The following SPNS2 variants were observed in gnomAD, a reference collection of about 807,000 sequenced individuals.
SPNS2 encodes the protein sphingosine-1-phosphate transporter SPNS2.
In SPNS2, 37 loss-of-function variants were observed where a neutral mutation model predicts 57.6. The ratio of observed to expected loss-of-function variants is 0.64; its 90% CI spans 0.49 to 0.85. SPNS2 has a LOEUF of 0.85. Among genes scored for constraint, SPNS2 ranks in the 40% least tolerant of loss-of-function variants. The pLI is 0.00. For missense variants in SPNS2, 831 were observed against 779.1 expected, an observed-to-expected ratio of 1.07 and a Z score of -0.79; for synonymous variants, 440 against 346.9, an observed-to-expected ratio of 1.27 and a Z score of -2.98.
chr17:4,534,662 C>A (rs377175718), intron 9 of SPNS2, among the ~76,000 whole-genome samples: 4 of 152,118 alleles, frequency 2.6e-5, no homozygotes, highest in Non-Finnish European at 5.9e-5. Flanking sequence ...CCTGAGCCTC[C>A]GGGCGTATCC....
At chr17:4,520,464 T>C (rs762902924) in intron 2 of SPNS2, among the ~76,000 whole-genome samples, 1 of 152,056 alleles carries the variant, frequency 6.6e-6, no homozygotes, top group Non-Finnish European at 1.5e-5. Context: ...AGGGGGCTTT[T>C]TCAAGGATCC....
intron 5 of SPNS2, among the ~76,000 whole-genome samples, chr17:4,531,586 A>G (rs1905476682): frequency 6.6e-6 from 1 of 152,066 alleles, no homozygotes; most frequent in South Asian, 2.1e-4. Context: ...CAATCGGAGG[A>G]AACAGAGATC....
Position 4,533,107 on chromosome 17 carries a change from C to G in SPNS2, c.1066C>G (p.Pro356Ala), listed in dbSNP as rs201455640. Residue 356 changes from proline (P) to alanine (A), a missense_variant, in exon 7 of 13, where the codon CCG (proline) becomes GCG (alanine). Physicochemically the swap from Pro to Ala is conservative, Grantham distance 27. This residue lies in a region of SPNS2 where 526 missense variants were observed against 400.9 expected (regional missense o/e 1.31). Coordinates refer to ENST00000329078, the MANE Select transcript of SPNS2 (RefSeq NM_001124758.3). Reference sequence around the variant, plus strand: ...GAAGACAGCAGAGACGTGCAACAGCCCGCCCTGTGGGGCCAAGGACAGGTG... The same window carrying G: ...GAAGACAGCAGAGACGTGCAACAGCGCGCCCTGTGGGGCCAAGGACAGGTG... ...VQKTAETCNS[P>A]PCGAKDSLIF... 1 of 1,611,826 alleles carries G rather than the reference C, an allele frequency of 6.2e-7. No individual in the cohort carries two copies. The highest frequency in any genetic ancestry group is 8.5e-7 in the Non-Finnish European group (1 of 1,179,176).
intron 5 of SPNS2, among the ~76,000 whole-genome samples, chr17:4,532,101 G>GTCCA: frequency 6.6e-6 from 1 of 152,176 alleles, no homozygotes; most frequent in Non-Finnish European, 1.5e-5. Flanking sequence ...CCATCCGTCT[G>GTCCA]TCCATCCATC....
chr17:4,532,464 G>C (rs891039707), intron 5 of SPNS2, 78 bp from the exon 6 acceptor site: 2 of 1,600,432 alleles, frequency 1.2e-6, no homozygotes, highest in African/African-American at 2.7e-5. Context: ...GAAGGCATGG[G>C]CTTGCCTGAG....
rs758120537 is a variant in SPNS2, at chr17:4,530,704, A to G, written c.646A>G (p.Thr216Ala). ...GEASYSTIAP[T>A]IIGDLFTKNT... The stretch of plus-strand genomic sequence containing the variant: ...GGCCAGCTACTCCACCATCGCCCCC[A>G]CTATCATTGGCGACCTCTTCACCAA... The change falls in exon 4 of 13, where the codon ACT becomes GCT. Residue 216 changes from threonine (T) to alanine (A), a missense_variant. Around this residue, in one of 2 missense-constraint regions of SPNS2, gnomAD observed 305 missense variants for 378.3 expected, o/e 0.81. Coordinates refer to ENST00000329078, the MANE Select transcript of SPNS2 (RefSeq NM_001124758.3). 7 of 1,613,872 alleles carry G rather than the reference A, an allele frequency of 4.3e-6. No individual in the cohort carries two copies. The South Asian group carries it at 7.7e-5, about 18-fold the overall frequency.
chr17:4,533,500 A>C, intron 8 of SPNS2, 68 bp downstream of exon 8: 1 of 1,469,544 alleles, frequency 6.8e-7, no homozygotes, highest in East Asian at 2.3e-5. Flanking sequence ...CTGGAACAGG[A>C]CATTCGGTCT....
chr17:4,532,631 C>G lies in SPNS2; in HGVS notation c.882C>G (p.Asp294Glu), dbSNP rs1211905836. The G allele has an allele frequency of 6.2e-7, 1 of 1,614,130 alleles. No individual in the cohort carries two copies. The highest frequency in any genetic ancestry group is 8.5e-7 in the Non-Finnish European group (1 of 1,180,036). Residue 294 changes from aspartate (D) to glutamate (E), a missense_variant, in exon 6 of 13, where the codon GAC becomes GAG. By Grantham distance (45) the Asp-to-Glu change is conservative (BLOSUM62 2). This residue lies in a region of SPNS2 where 526 missense variants were observed against 400.9 expected (regional missense o/e 1.31). Transcript: ENST00000329078. ...TKRGHADQLG[D>E]QLKARTSWLR... ...GGGGTCATGCCGACCAGCTCGGGGA[C>G]CAGCTCAAGGCCCGGACCTCATGGC...
intron 1 of SPNS2, among the ~76,000 whole-genome samples, chr17:4,500,045 G>T (rs1408013347): frequency 6.6e-6 from 1 of 152,182 alleles, no homozygotes; most frequent in Non-Finnish European, 1.5e-5. Context: ...GACCCAGGCT[G>T]CGGTTTGCAG....
In SPNS2 at chr17:4,511,245, G is replaced by A. The variant is rs980425492; in HGVS notation, c.371-2002G>A. Among the ~76,000 whole-genome samples the A allele has an allele frequency of 5.3e-5, 8 of 152,148 alleles. No individual in the cohort carries two copies. The highest frequency in any genetic ancestry group is 3.9e-4 in the Admixed American group (6 of 15,274). Reference sequence around the variant, plus strand: ...ACTAACTTATTGAGGGTGGTGGGAGGGGAGCAAGCAGGGGAGATATTCCAG... The same window carrying A: ...ACTAACTTATTGAGGGTGGTGGGAGAGGAGCAAGCAGGGGAGATATTCCAG... On this transcript the variant is annotated intron_variant, in intron 1 of 12. Coordinates refer to ENST00000329078, the MANE Select transcript of SPNS2 (RefSeq NM_001124758.3). The surrounding 1 kb of genome is among the most constrained non-coding windows in gnomAD (Gnocchi z 4.6).
In SPNS2 at chr17:4,533,390, C is replaced by T. The variant is rs766677495; in HGVS notation, c.1236C>T (p.Cys412=). The change falls in exon 8 of 13, where the codon TGC becomes TGT. Residue 412 remains cysteine (C), a synonymous_variant. Transcript: ENST00000329078. ...VGMLGSAIFI[C]LIFVAAKSSI... is the part of the protein sequence containing the mutation. ...TGCTGGGCTCTGCCATCTTCATCTGCCTGATCTTCGTGGCTGCCAAGAGCA... is the reference window on the plus strand; with the variant it reads ...TGCTGGGCTCTGCCATCTTCATCTGTCTGATCTTCGTGGCTGCCAAGAGCA... The T allele has an allele frequency of 7.5e-6, 12 of 1,609,594 alleles. No individual in the cohort carries two copies. The highest frequency in any genetic ancestry group is 4.0e-5 in the African/African-American group (3 of 74,828).
intron 2 of SPNS2, among the ~76,000 whole-genome samples, chr17:4,519,543 C>T (rs1905085903): frequency 2.0e-5 from 3 of 152,136 alleles, no homozygotes; most frequent in Admixed American, 2.0e-4. Flanking sequence ...GCTGTCACGG[C>T]CCTGCCCGCT....
intron 2 of SPNS2, among the ~76,000 whole-genome samples, chr17:4,517,595 G>A (rs1050809289): frequency 6.6e-6 from 1 of 152,124 alleles, no homozygotes; most frequent in East Asian, 1.9e-4. Context: ...GGTGGAGGTT[G>A]CAGTGAGCCA....
intron 3 of SPNS2, among the ~76,000 whole-genome samples, chr17:4,528,297 A>G (rs1597367459): frequency 6.6e-6 from 1 of 152,170 alleles, no homozygotes; most frequent in South Asian, 2.1e-4. Context: ...TGCTGGAATT[A>G]TAGGTGTGAG....
At chr17:4,514,936 C>T (rs1447312933) in intron 2 of SPNS2, among the ~76,000 whole-genome samples, 1 of 152,246 alleles carries the variant, frequency 6.6e-6, no homozygotes, top group African/African-American at 2.4e-5. Context: ...GCCCGAGCCT[C>T]ATCCCCCTCC....
rs1213429316 is a variant in SPNS2 at position 4,510,101 on chromosome 17, G to A, written c.371-3146G>A. On this transcript the variant is annotated intron_variant, in intron 1 of 12. Transcript: ENST00000329078. This position sits in a 1 kb window ranked among gnomAD's most constrained non-coding sequence, Gnocchi z 4.4. The stretch of plus-strand genomic sequence containing the variant: ...TGTGACACACGCTTCCCGTGCCAGC[G>A]GCCAGCGGGATCTCACCCTCCTGTG... Among the ~76,000 whole-genome samples the A allele has an allele frequency of 1.3e-5, 2 of 152,266 alleles. No individual in the cohort carries two copies. Among genetic ancestry groups the A allele is most frequent in the South Asian group, 2.1e-4 (1 of 4,834 alleles).
chr17:4,518,004 C>T (rs1034437191), intron 2 of SPNS2, among the ~76,000 whole-genome samples: 9 of 152,176 alleles, frequency 5.9e-5, no homozygotes, highest in Non-Finnish European at 1.0e-4. Flanking sequence ...CAATGCAACA[C>T]AGGGAAGGGT....
chr17:4,533,913 G>A, intron 9 of SPNS2, 60 bp downstream of exon 9: 1 of 1,501,462 alleles, frequency 6.7e-7, no homozygotes, highest in Non-Finnish European at 9.2e-7. Flanking sequence ...GACCTCACAG[G>A]GGTGCCTGGG....
At position 4,538,518 on chromosome 17, in the gene SPNS2, C is replaced by T. The variant is rs1400963324; in HGVS notation, c.*1070C>T. On this transcript the variant is annotated 3_prime_UTR_variant, in exon 13 of 13. Transcript: ENST00000329078. ...ACCCACCTCCCATCCATGCACACACCAGGATGCAGCTGCCAACTTCACACC... is the reference window on the plus strand; with the variant it reads ...ACCCACCTCCCATCCATGCACACACTAGGATGCAGCTGCCAACTTCACACC... The T allele has an allele frequency of 6.5e-6, 2 of 309,706 alleles. No individual in the cohort carries two copies. The allele number at this position is 309,706 out of a possible 1,614,324, so 19.2% of individuals were successfully genotyped here. A position where few individuals can be genotyped will look rare whatever the true frequency, so the allele number is the denominator to read the frequency against.
Sources: gnomAD v4.1 joint callset for allele counts (sites outside exome capture counted in the v4.1 genomes callset) on GRCh38, gnomAD v4.1.1 for gene constraint, gnomAD v4.1.1 regional missense constraint, Gnocchi (gnomAD v3.1) non-coding constraint, MANE v1.5 for transcripts, NCBI Gene and HGNC (gene_info 2026-07-23, HGNC 2026-07-21) for gene names.